NIPBL: variants seen among roughly 807,000 people sequenced by gnomAD.
NIPBL encodes nipped-B-like protein.
Under a neutral mutation model 321.8 loss-of-function variants are expected in NIPBL, and 19 were observed. That is an observed-to-expected ratio of 0.06 (90% CI 0.04 to 0.09). The LOEUF (loss-of-function observed/expected upper bound fraction) is 0.09, where lower values mean the gene tolerates loss of function less well. Ranked by LOEUF, NIPBL falls within the 10% of genes least tolerant of loss-of-function variation. NIPBL has a pLI of 1.00. For missense variants in NIPBL, 2,210 were observed against 3,327.0 expected (o/e 0.66, Z 8.26); for synonymous variants, 1,106 against 1,114.1 (o/e 0.99, Z 0.14).
At chr5:36,881,281 T>C (rs1001955599) in intron 1 of NIPBL, among the ~76,000 whole-genome samples, 2 of 150,446 alleles carry the variant, frequency 1.3e-5, no homozygotes, top group African/African-American at 4.8e-5. Flanking sequence ...ATTTTAGGTA[T>C]TTGTCTTGTG....
At chr5:37,058,218 C>A (rs1213476435) in intron 43 of NIPBL, among the ~76,000 whole-genome samples, 1 of 152,186 alleles carries the variant, frequency 6.6e-6, no homozygotes, top group Non-Finnish European at 1.5e-5. Flanking sequence ...TGTTAATGTG[C>A]ACATTTAAGT....
chr5:37,016,907 A>G (rs1234028629), intron 23 of NIPBL, 112 bp from the exon 24 acceptor site: 1 of 856,152 alleles, frequency 1.2e-6, no homozygotes, highest in African/African-American at 1.7e-5. Context: ...ACAGGAAAAA[A>G]AAAAGTTTAA....
intron 1 of NIPBL, among the ~76,000 whole-genome samples, chr5:36,927,742 A>G (rs1561395619): frequency 6.6e-6 from 1 of 152,210 alleles, no homozygotes. Context: ...CCAAATGGAG[A>G]TATCAAATAG....
rs140279082 is a variant in NIPBL, at chr5:37,034,381, C to T, written c.5863-1998C>T. 8.6e-4 allele frequency among the ~76,000 whole-genome samples: 131 copies of T among 152,164 alleles called. No individual in the cohort carries two copies. In the Middle Eastern group the frequency reaches 0.01, roughly 12 times the overall value. On this transcript the variant is annotated intron_variant, in intron 32 of 46. Transcript: ENST00000282516. ...GCATGTATCCAATGACCCAGCAATTCGACTTCAAATATATATACACACAAA... is the reference window on the plus strand; with the variant it reads ...GCATGTATCCAATGACCCAGCAATTTGACTTCAAATATATATACACACAAA...
intron 1 of NIPBL, among the ~76,000 whole-genome samples, chr5:36,917,166 T>C (rs1176549568): frequency 6.6e-6 from 1 of 152,184 alleles, no homozygotes; most frequent in Non-Finnish European, 1.5e-5. Flanking sequence ...GCACCTGTTG[T>C]CTCCTGACTT....
chr5:36,946,016 G>T, intron 1 of NIPBL, among the ~76,000 whole-genome samples: 1 of 151,934 alleles, frequency 6.6e-6, no homozygotes, highest in Admixed American at 6.6e-5. Context: ...TTTCCTAAAA[G>T]GATTTTAGGT....
At chr5:36,997,139 A>T (rs1476016091) in intron 11 of NIPBL, 1 of 152,206 alleles carries the variant, frequency 6.6e-6, no homozygotes, top group Non-Finnish European at 1.5e-5. Context: ...GCTCTGGAAG[A>T]TGAGAAGATA....
At chr5:36,992,736 T>A (rs925268937) in intron 10 of NIPBL, among the ~76,000 whole-genome samples, 1 of 149,866 alleles carries the variant, frequency 6.7e-6, no homozygotes, top group Non-Finnish European at 1.5e-5. Flanking sequence ...ATTTATTTAT[T>A]TATTTATTTA....
intron 1 of NIPBL, among the ~76,000 whole-genome samples, chr5:36,920,769 A>T: frequency 6.6e-6 from 1 of 151,092 alleles, no homozygotes. Context: ...TATATACTTT[A>T]TGTGGCATCT....
intron 1 of NIPBL, among the ~76,000 whole-genome samples, chr5:36,905,108 G>GGTTT (rs925038203): frequency 3.3e-5 from 5 of 151,878 alleles, no homozygotes; most frequent in African/African-American, 1.2e-4. Context: ...TTGGTTGGTT[G>GGTTT]GTTTTACAAC....
chr5:36,979,766 A>T (rs948842383), intron 9 of NIPBL, among the ~76,000 whole-genome samples: 1 of 151,760 alleles, frequency 6.6e-6, no homozygotes, highest in African/African-American at 2.4e-5. Flanking sequence ...GTATACGCAT[A>T]TCAAATGAAA....
At chr5:37,049,332 TA>T in intron 40 of NIPBL, 31 bp downstream of exon 40, 2 of 1,602,904 alleles carry the variant, frequency 1.2e-6, no homozygotes, top group East Asian at 2.2e-5. Flanking sequence ...CAGCACTTAC[TA>T]AAAGAGCAAG....
intron 6 of NIPBL, among the ~76,000 whole-genome samples, chr5:36,969,010 A>G (rs1248413567): frequency 6.6e-6 from 1 of 152,206 alleles, no homozygotes; most frequent in East Asian, 1.9e-4. Flanking sequence ...AATCAATTGC[A>G]TTTTTATATA....
Position 36,994,221 on chromosome 5 carries a change from G to T in NIPBL, c.3122-1401G>T, listed in dbSNP as rs570811595. On this transcript the variant is annotated intron_variant, in intron 10 of 46. Coordinates refer to ENST00000282516, the MANE Select transcript of NIPBL (RefSeq NM_133433.4). ...AAATGACACAGAAGTTAAACTCAAC[G>T]TTAGTTAGAATTCTTAGCAATGAAG... Among the ~76,000 whole-genome samples, 507 of 152,152 alleles carry T rather than the reference G, an allele frequency of 3.3e-3. 2 individuals are homozygous for T. Among genetic ancestry groups the T allele is most frequent in the African/African-American group, 0.012 (487 of 41,528 alleles).
chr5:37,026,441 G>A (rs1043589507), intron 31 of NIPBL, 114 bp downstream of exon 31: 14 of 718,168 alleles, frequency 1.9e-5, no homozygotes, highest in Admixed American at 4.1e-5. Context: ...TTGACATTTC[G>A]TACTGCTGCC....
intron 32 of NIPBL, among the ~76,000 whole-genome samples, chr5:37,034,084 A>G (rs1438604335): frequency 6.6e-6 from 1 of 152,126 alleles, no homozygotes; most frequent in Admixed American, 6.5e-5. Flanking sequence ...AAAAATAGGT[A>G]AAGTTAATTA....
chr5:36,986,348 G>T, intron 10 of NIPBL, 47 bp downstream of exon 10: 2 of 1,247,326 alleles, frequency 1.6e-6, no homozygotes, highest in Non-Finnish European at 2.1e-6. Context: ...TCGATTTTAA[G>T]TGTTAAGATT....
intron 1 of NIPBL, among the ~76,000 whole-genome samples, chr5:36,921,701 T>C (rs1241139103): frequency 6.6e-6 from 1 of 152,150 alleles, no homozygotes; most frequent in Non-Finnish European, 1.5e-5. Flanking sequence ...TAAAGCTATT[T>C]TAATGAAAAT....
intron 7 of NIPBL, among the ~76,000 whole-genome samples, chr5:36,971,425 A>G (rs987131099): frequency 6.8e-6 from 1 of 146,118 alleles, no homozygotes; most frequent in African/African-American, 2.5e-5. Flanking sequence ...TCACACTAAA[A>G]TTTTTTTTTT....
Sources: allele counts gnomAD v4.1 joint callset (sites outside exome capture counted in the v4.1 genomes callset), GRCh38; gene constraint gnomAD v4.1.1; transcripts MANE v1.5; gene names NCBI Gene and HGNC (gene_info 2026-07-23, HGNC 2026-07-21).